TEX11: variants seen among roughly 807,000 people sequenced by gnomAD.
TEX11 encodes the protein testis expressed 11, also known as testis-expressed protein 11.
A neutral mutation model predicts 84.4 loss-of-function variants in TEX11; 7 were observed. The ratio of observed to expected loss-of-function variants is 0.08; its 90% confidence interval spans 0.05 to 0.16. The LOEUF (loss-of-function observed/expected upper bound fraction) is 0.16, where lower values mean the gene tolerates loss of function less well. Ranked by LOEUF, TEX11 falls within the 10% of genes least tolerant of loss-of-function variation. The pLI, the probability that TEX11 is intolerant of heterozygous loss-of-function variation, is 1.00. For missense variants in TEX11, 551 were observed against 660.5 expected, an observed-to-expected ratio of 0.83 and a Z score of 1.82; for synonymous variants, 264 against 222.8, an observed-to-expected ratio of 1.18 and a Z score of -1.64.
chrX:70,872,160 G>T (rs759345785), intron 4 of TEX11, among the ~76,000 whole-genome samples: 1 of 111,392 alleles, frequency 9.0e-6, no homozygotes, highest in East Asian at 2.8e-4. Context: ...ATATCACACG[G>T]TTCACCTGTG....
At chrX:70,599,025 C>T (rs903148790) in intron 24 of TEX11, among the ~76,000 whole-genome samples, 3 of 111,113 alleles carry the variant, frequency 2.7e-5, no homozygotes, top group African/African-American at 6.5e-5. Flanking sequence ...AATTGTATAC[C>T]TAAGTGGGTG....
intron 22 of TEX11, among the ~76,000 whole-genome samples, chrX:70,608,601 C>T (rs1270962019): frequency 2.7e-5 from 3 of 109,560 alleles, no homozygotes; most frequent in East Asian, 2.9e-4. Flanking sequence ...ATTAGCCGGG[C>T]GTGGTGGCGG....
chrX:70,612,950 C>T (rs1302948390), intron 20 of TEX11, among the ~76,000 whole-genome samples: 1 of 111,160 alleles, frequency 9.0e-6, no homozygotes, highest in Non-Finnish European at 1.9e-5. Flanking sequence ...AATACCTTAC[C>T]TAAAGAGGAA....
intron 7 of TEX11, among the ~76,000 whole-genome samples, chrX:70,840,472 G>A (rs1303724161): frequency 8.9e-6 from 1 of 111,732 alleles, no homozygotes; most frequent in Non-Finnish European, 1.9e-5. Context: ...AAGAGCTCCT[G>A]AAGGAAGCGC....
chrX:70,512,410 G>A, the TEX11 span, among the ~76,000 whole-genome samples: 11 of 107,389 alleles, frequency 1.0e-4, no homozygotes, highest in Non-Finnish European at 1.9e-4. Flanking sequence ...GTAGCGACGG[G>A]GTTTCACCAT....
At chrX:70,882,303 A>G (rs1252988712) in intron 2 of TEX11, among the ~76,000 whole-genome samples, 1 of 111,068 alleles carries the variant, frequency 9.0e-6, no homozygotes, top group East Asian at 2.8e-4. Context: ...AAACCCCAAT[A>G]TAAACTTTCG....
chrX:70,870,959 A>C (rs1296375955), intron 4 of TEX11, among the ~76,000 whole-genome samples: 1 of 111,427 alleles, frequency 9.0e-6, no homozygotes, highest in East Asian at 2.8e-4. Flanking sequence ...GTCGCCCAGG[A>C]TGGAGTGCAA....
At chrX:70,806,398 G>T (rs1300955377) in intron 9 of TEX11, among the ~76,000 whole-genome samples, 1 of 109,421 alleles carries the variant, frequency 9.1e-6, no homozygotes, top group Non-Finnish European at 1.9e-5. Context: ...AGAGGTTGCA[G>T]TGAGCAGAGA....
At chrX:70,857,233 G>T in intron 5 of TEX11, 1 of 122,969 alleles carries the variant, frequency 8.1e-6, no homozygotes. Context: ...CTATTCAGCA[G>T]AAAAGAATGG....
chrX:70,588,503 G>A lies in TEX11; in HGVS notation c.2140+3248C>T, dbSNP rs750030897. On this transcript the variant is annotated intron_variant, in intron 25 of 29. Transcript: ENST00000374333. ...GAAGAAGGTGCCTTGCTTCCCCTTC[G>A]CCTTCTGCCATGATTCTAAGTTTCC... Among the ~76,000 whole-genome samples, 9 of 111,048 alleles carry A rather than the reference G, an allele frequency of 8.1e-5. No homozygotes were observed. In the East Asian group the frequency reaches 1.7e-3, roughly 21 times the overall value.
At chrX:70,706,068 T>G (rs965463339) in intron 13 of TEX11, among the ~76,000 whole-genome samples, 8 of 111,302 alleles carry the variant, frequency 7.2e-5, no homozygotes, top group African/African-American at 2.6e-4. Flanking sequence ...CAAATGTCCA[T>G]CAATGATAGA....
Position 70,644,403 on chromosome X carries a change from C to T in TEX11, c.1483+7047G>A, listed in dbSNP as rs1362358835. 8.7e-5 allele frequency among the ~76,000 whole-genome samples: 9 copies of T among 103,588 alleles called. No individual in the cohort carries two copies. The South Asian group carries it at 4.1e-3, about 48-fold the overall frequency. The allele number at this position is 103,588 out of a possible 115,157, so 90.0% of individuals were successfully genotyped here. A position where few individuals can be genotyped will look rare whatever the true frequency, so the allele number is the denominator to read the frequency against. ...TCTAGAACTAGAAATACCATTTGAC[C>T]CAGCCATCCCATTACTGGGTATATA... On this transcript the variant is annotated intron_variant, in intron 17 of 29. Coordinates refer to ENST00000374333, the MANE Select transcript of TEX11 (RefSeq NM_031276.3).
chrX:70,667,934 A>C (rs746605491), intron 16 of TEX11, among the ~76,000 whole-genome samples: 1 of 110,912 alleles, frequency 9.0e-6, no homozygotes, highest in Non-Finnish European at 1.9e-5. Context: ...TCTCAAAAAA[A>C]AAAAATAAAA....
At chrX:70,514,929 G>A in the TEX11 span, among the ~76,000 whole-genome samples, 2 of 109,571 alleles carry the variant, frequency 1.8e-5, no homozygotes, top group African/African-American at 6.7e-5. Flanking sequence ...TTAGCTGGGC[G>A]TGGTGGGACG....
chrX:70,713,393 A>G (rs1433589884), intron 13 of TEX11, among the ~76,000 whole-genome samples: 1 of 111,985 alleles, frequency 8.9e-6, no homozygotes. Flanking sequence ...TACCTTTGGT[A>G]GAATTCGGCT....
intron 25 of TEX11, among the ~76,000 whole-genome samples, chrX:70,584,972 C>T (rs769527984): frequency 8.9e-6 from 1 of 111,989 alleles, no homozygotes; most frequent in South Asian, 3.8e-4. Context: ...GATGCCCTCT[C>T]TCACTACCGC....
chrX:70,523,502 T>C, the TEX11 span, among the ~76,000 whole-genome samples: 7 of 111,280 alleles, frequency 6.3e-5, no homozygotes, highest in African/African-American at 2.3e-4. Context: ...CTTGCTCTGT[T>C]GCCCAGGCTG....
intron 8 of TEX11, among the ~76,000 whole-genome samples, chrX:70,826,116 C>T (rs2091344186): frequency 9.0e-6 from 1 of 110,676 alleles, no homozygotes; most frequent in Admixed American, 9.6e-5. Context: ...TCAGCCTGAC[C>T]AACATAATGA....
chrX:70,600,399 C>T (rs1002691878), intron 24 of TEX11, among the ~76,000 whole-genome samples: 2 of 111,093 alleles, frequency 1.8e-5, no homozygotes, highest in African/African-American at 6.6e-5. Flanking sequence ...GAGACTTAGA[C>T]TCCCACACAT....
Sources: gnomAD v4.1 joint callset for allele counts (sites outside exome capture counted in the v4.1 genomes callset) on GRCh38, gnomAD v4.1.1 for gene constraint, MANE v1.5 for transcripts, NCBI Gene and HGNC (gene_info 2026-07-23, HGNC 2026-07-21) for gene names.